Variants in ADGRL2 observed in about 807,000 individuals in gnomAD.
ADGRL2 encodes the protein calcium-independent alpha-latrotoxin receptor 2.
ADGRL2 carries 44 observed loss-of-function variants against 157.4 expected under a neutral mutation model. The ratio of observed to expected loss-of-function variants is 0.28; its 90% CI spans 0.22 to 0.36. The LOEUF (loss-of-function observed/expected upper bound fraction) is 0.36, where lower values mean the gene tolerates loss of function less well. Ranked by LOEUF, ADGRL2 falls within the 10% of genes least tolerant of loss-of-function variation. The pLI is 1.00. For synonymous variants in ADGRL2, 585 were observed against 624.7 expected (o/e 0.94, Z 0.95); for missense variants, 1,510 against 1,768.9 (o/e 0.85, Z 2.63).
intron 22 of ADGRL2, 89 bp downstream of exon 22, chr1:81,987,118 A>G: frequency 2.7e-6 from 4 of 1,475,124 alleles, no homozygotes; most frequent in Non-Finnish European, 3.7e-6. Context: ...TCAAGTTGTC[A>G]TATATTTATT....
At chr1:81,980,984 A>G (rs1661504762) in intron 18 of ADGRL2, 1 of 436,296 alleles carries the variant, frequency 2.3e-6, no homozygotes, top group South Asian at 5.7e-5. Flanking sequence ...ATATGCCTTT[A>G]TTTTTTAATT....
intron 2 of ADGRL2, among the ~76,000 whole-genome samples, chr1:81,458,009 C>T (rs769809896): frequency 4.6e-5 from 7 of 152,162 alleles, no homozygotes; most frequent in African/African-American, 7.2e-5. Flanking sequence ...TACTATGATG[C>T]TTTCACTTGT....
At chr1:81,624,595 C>T (rs921666373) in intron 3 of ADGRL2, among the ~76,000 whole-genome samples, 11 of 151,742 alleles carry the variant, frequency 7.2e-5, no homozygotes, top group African/African-American at 2.4e-4. Context: ...TAATTGCTGA[C>T]GTTGTGAAAA....
At chr1:81,667,656 T>C (rs1384456237) in intron 3 of ADGRL2, among the ~76,000 whole-genome samples, 2 of 152,174 alleles carry the variant, frequency 1.3e-5, no homozygotes, top group Non-Finnish European at 2.9e-5. Context: ...AAAATTAAAA[T>C]ATGTTTTTGC....
At chr1:81,466,922 A>G (rs2078067906) in intron 2 of ADGRL2, among the ~76,000 whole-genome samples, 1 of 152,132 alleles carries the variant, frequency 6.6e-6, no homozygotes, top group South Asian at 2.1e-4. Flanking sequence ...AGAGGTAATC[A>G]ATCACTCTGG....
At chr1:81,966,377 A>G in intron 12 of ADGRL2, 27 bp from the exon 13 acceptor site, 1 of 1,599,976 alleles carries the variant, frequency 6.3e-7, no homozygotes, top group Non-Finnish European at 8.6e-7. Context: ...TTTTTTGTAC[A>G]TCATGTGACT....
intron 1 of ADGRL2, among the ~76,000 whole-genome samples, chr1:81,384,178 A>G (rs1235707365): frequency 1.3e-5 from 2 of 152,160 alleles, no homozygotes; most frequent in South Asian, 4.1e-4. Flanking sequence ...ATACCTGTCC[A>G]TTAGGAACTT....
chr1:81,603,149 C>T (rs2148641278), intron 3 of ADGRL2, among the ~76,000 whole-genome samples: 1 of 152,194 alleles, frequency 6.6e-6, no homozygotes, highest in South Asian at 2.1e-4. Flanking sequence ...TTTGAATTTT[C>T]ATTAAAACAT....
At chr1:81,565,074 G>A (rs1170078323) in intron 2 of ADGRL2, among the ~76,000 whole-genome samples, 2 of 152,104 alleles carry the variant, frequency 1.3e-5, no homozygotes, top group Non-Finnish European at 1.5e-5. Flanking sequence ...ATATAATATA[G>A]TGGCAAGAAG....
At chr1:81,799,630 TTAA>T (rs1452107831), upstream of ADGRL2, among the ~76,000 whole-genome samples, 1 of 152,190 alleles carries the variant, frequency 6.6e-6, no homozygotes, top group African/African-American at 2.4e-5. Flanking sequence ...TGTTGACATA[TTAA>T]TAACATTGTT....
intron 3 of ADGRL2, among the ~76,000 whole-genome samples, chr1:81,589,488 T>C (rs2081090505): frequency 6.6e-6 from 1 of 152,170 alleles, no homozygotes; most frequent in South Asian, 2.1e-4. Flanking sequence ...ATCTTGTATC[T>C]GGTTAACTTG....
At chr1:81,602,772 C>T (rs919574760) in intron 3 of ADGRL2, among the ~76,000 whole-genome samples, 1 of 151,366 alleles carries the variant, frequency 6.6e-6, no homozygotes, top group Non-Finnish European at 1.5e-5. Flanking sequence ...ATGGCATGCA[C>T]CTGTAATCCC....
intron 1 of ADGRL2, among the ~76,000 whole-genome samples, chr1:81,438,650 G>A (rs2077453011): frequency 1.3e-5 from 2 of 152,118 alleles, no homozygotes; most frequent in Non-Finnish European, 2.9e-5. Context: ...ACATTTTGCA[G>A]CCCAGCCCTG....
chr1:81,317,037 A>G (rs922130320), intron 1 of ADGRL2, among the ~76,000 whole-genome samples: 2 of 152,132 alleles, frequency 1.3e-5, no homozygotes, highest in African/African-American at 4.8e-5. Context: ...GTGATTCTCA[A>G]CTAGGGATGA....
intron 1 of ADGRL2, among the ~76,000 whole-genome samples, chr1:81,709,641 G>C (rs1439897569): frequency 6.6e-6 from 1 of 151,844 alleles, no homozygotes; most frequent in Non-Finnish European, 1.5e-5. Context: ...GGTTGACCTA[G>C]CTGACACTTG....
chr1:81,556,157 G>A (rs1033531901), intron 2 of ADGRL2, among the ~76,000 whole-genome samples: 1 of 151,934 alleles, frequency 6.6e-6, no homozygotes, highest in Non-Finnish European at 1.5e-5. Context: ...AGCTCTGGAA[G>A]CATTACAAAT....
intron 2 of ADGRL2, among the ~76,000 whole-genome samples, chr1:81,555,265 CT>C (rs71666308): frequency 0.11 from 13,294 of 115,872 alleles, 1,210 homozygotes; most frequent in African/African-American, 0.28. Flanking sequence ...TATTTCTTTT[CT>C]TTTTTTTTTT....
At chr1:81,831,133 A>G (rs12062490) in intron 1 of ADGRL2, among the ~76,000 whole-genome samples, 60,617 of 152,024 alleles carry the variant, frequency 0.4, 12,592 homozygotes, top group Middle Eastern at 0.6. Flanking sequence ...TGTTAATATT[A>G]AAACCTTTGT....
intron 2 of ADGRL2, among the ~76,000 whole-genome samples, chr1:81,885,951 A>G (rs948634966): frequency 6.6e-6 from 1 of 152,198 alleles, no homozygotes; most frequent in African/African-American, 2.4e-5. Flanking sequence ...AGGTCAGATA[A>G]CAGTTAACTG....
Sources: gnomAD v4.1 joint callset for allele counts (sites outside exome capture counted in the v4.1 genomes callset) on GRCh38, gnomAD v4.1.1 for gene constraint, MANE v1.5 for transcripts, NCBI Gene and HGNC (gene_info 2026-07-23, HGNC 2026-07-21) for gene names.